The following SUMF1 variants were observed in gnomAD, a reference collection of about 807,000 sequenced individuals.
SUMF1 encodes the protein sulfatase modifying factor 1.
In SUMF1, 48 loss-of-function variants were observed where a neutral mutation model predicts 47.6. The ratio of observed to expected loss-of-function variants is 1.01; its 90% confidence interval spans 0.80 to 1.28. SUMF1 has a LOEUF of 1.28. Ranked by LOEUF, SUMF1 falls within the 50% of genes most tolerant of loss-of-function variation. The pLI is 0.00. For missense variants in SUMF1, 571 were observed against 485.4 expected (o/e 1.18, Z -1.66); for synonymous variants, 230 against 192.1 (o/e 1.20, Z -1.63).
In SUMF1 at chr3:4,467,254, G is replaced by A. The variant is rs148200251; in HGVS notation, c.-9C>T. The A allele has an allele frequency of 1.5e-3, 2,343 of 1,605,816 alleles. 23 individuals are homozygous for A. The African/African-American group carries it at 0.024, about 17-fold the overall frequency. On this transcript the variant is annotated 5_prime_UTR_variant, in exon 1 of 9. Coordinates refer to ENST00000272902, the MANE Select transcript of SUMF1 (RefSeq NM_182760.4). ...AGTGCGGGCGCAGCCATGTTGTCCC[G>A]CGGGCCATGTGACCCGGTTGGTCAC...
In SUMF1 at chr3:4,135,671, G is replaced by T. The variant is rs531201412; in HGVS notation, c.1015-66926C>A. Among the ~76,000 whole-genome samples the T allele has an allele frequency of 1.8e-3, 277 of 152,282 alleles. 3 individuals carry two copies. Among genetic ancestry groups the T allele is most frequent in the East Asian group, 3.7e-3 (19 of 5,174 alleles). On this transcript the variant is annotated intron_variant and NMD_transcript_variant, in intron 8 of 12. Transcript: ENST00000448413. ...AATAAAGGGCATTCAATTAGGAAATGAGGAAGTCAAATTGTCCCTGTTGGC... is the reference window on the plus strand; with the variant it reads ...AATAAAGGGCATTCAATTAGGAAATTAGGAAGTCAAATTGTCCCTGTTGGC...
chr3:4,279,518 T>C (rs958451214), intron 8 of SUMF1, among the ~76,000 whole-genome samples: 1 of 152,136 alleles, frequency 6.6e-6, no homozygotes, highest in Non-Finnish European at 1.5e-5. Flanking sequence ...TACTGGAAAG[T>C]AGAGAAGCAA....
At chr3:4,073,308 C>T (rs1001506808) in intron 8 of SUMF1, among the ~76,000 whole-genome samples, 1 of 152,152 alleles carries the variant, frequency 6.6e-6, no homozygotes, top group Non-Finnish European at 1.5e-5. Context: ...CACCATCAGG[C>T]CTGCCTTACA....
intron 7 of SUMF1, among the ~76,000 whole-genome samples, chr3:4,401,424 C>T (rs570737238): frequency 5.3e-5 from 8 of 152,222 alleles, no homozygotes; most frequent in Admixed American, 2.0e-4. Flanking sequence ...AGTTTACACT[C>T]GGTGGAAATC....
chr3:4,326,070 C>T (rs943546095), intron 8 of SUMF1, among the ~76,000 whole-genome samples: 10 of 152,198 alleles, frequency 6.6e-5, no homozygotes, highest in African/African-American at 2.4e-4. Context: ...GATCCTCCCA[C>T]TTTGGCCTCC....
At chr3:4,073,943 T>C (rs1295958142) in intron 8 of SUMF1, among the ~76,000 whole-genome samples, 1 of 152,110 alleles carries the variant, frequency 6.6e-6, no homozygotes, top group South Asian at 2.1e-4. Flanking sequence ...GACAGAAAAT[T>C]AACAAGGATA....
chr3:4,235,575 A>C (rs1559596503), intron 8 of SUMF1, among the ~76,000 whole-genome samples: 1 of 152,112 alleles, frequency 6.6e-6, no homozygotes, highest in South Asian at 2.1e-4. Flanking sequence ...ATAATTAGGA[A>C]AAATGCTTTA....
At chr3:4,096,691 A>G (rs1692913183) in intron 8 of SUMF1, among the ~76,000 whole-genome samples, 1 of 152,170 alleles carries the variant, frequency 6.6e-6, no homozygotes, top group East Asian at 1.9e-4. Flanking sequence ...AGGAGACATG[A>G]ATCTGTAAAG....
At chr3:4,431,251 G>GA (rs1280996812) in intron 3 of SUMF1, among the ~76,000 whole-genome samples, 1 of 152,172 alleles carries the variant, frequency 6.6e-6, no homozygotes, top group Non-Finnish European at 1.5e-5. Flanking sequence ...ACCGGATTGA[G>GA]AACCTGCCTT....
chr3:4,429,617 G>A (rs185941420), intron 3 of SUMF1, among the ~76,000 whole-genome samples: 121 of 152,234 alleles, frequency 7.9e-4, no homozygotes, highest in African/African-American at 2.8e-3. Context: ...AGGGACAGGG[G>A]CTCTTGTTGC....
intron 8 of SUMF1, among the ~76,000 whole-genome samples, chr3:4,175,296 C>T (rs567266679): frequency 3.3e-5 from 5 of 152,068 alleles, no homozygotes; most frequent in African/African-American, 1.2e-4. Flanking sequence ...CGACAGTCAC[C>T]TCATACAGCC....
Position 4,399,105 on chromosome 3 carries a change from G to A in SUMF1, c.954+11760C>T, listed in dbSNP as rs73809539. On this transcript the variant is annotated intron_variant, in intron 7 of 8. Transcript: ENST00000272902. ...GGATATGAGAACGAGAGGGGGCGGA[G>A]GGATGGGGAAAACGCATGCGTGAAC... Among the ~76,000 whole-genome samples, 606 of 152,180 alleles carry A rather than the reference G, an allele frequency of 4.0e-3. 6 individuals carry two copies. Among genetic ancestry groups the A allele is most frequent in the African/African-American group, 0.014 (580 of 41,522 alleles).
chr3:4,128,282 G>C (rs766351813), intron 8 of SUMF1, among the ~76,000 whole-genome samples: 1 of 152,192 alleles, frequency 6.6e-6, no homozygotes, highest in Non-Finnish European at 1.5e-5. Context: ...CTGTTAAAGT[G>C]AGGGCATTGA....
intron 3 of SUMF1, among the ~76,000 whole-genome samples, chr3:4,439,318 G>A (rs547777907): frequency 2.4e-4 from 36 of 152,120 alleles, no homozygotes; most frequent in African/African-American, 8.4e-4. Context: ...GAACTCAGGA[G>A]TTTGGGAACA....
At chr3:4,423,459 A>G (rs59346821) in intron 3 of SUMF1, among the ~76,000 whole-genome samples, 2,298 of 151,924 alleles carry the variant, frequency 0.015, 69 homozygotes, top group African/African-American at 0.053. Context: ...CTCTCTAGTG[A>G]CCTCTCAGCC....
chr3:4,116,792 C>A (rs1189724455), intron 8 of SUMF1, among the ~76,000 whole-genome samples: 1 of 152,050 alleles, frequency 6.6e-6, no homozygotes, highest in Non-Finnish European at 1.5e-5. Flanking sequence ...CTGGACAATT[C>A]CAGCAATTTC....
chr3:4,287,357 A>C (rs1251749738), intron 8 of SUMF1, among the ~76,000 whole-genome samples: 1 of 152,134 alleles, frequency 6.6e-6, no homozygotes, highest in Non-Finnish European at 1.5e-5. Context: ...AAAACTTAAT[A>C]AACATTTATT....
chr3:4,324,139 G>A (rs1479345331), intron 8 of SUMF1, among the ~76,000 whole-genome samples: 1 of 152,042 alleles, frequency 6.6e-6, no homozygotes, highest in African/African-American at 2.4e-5. Flanking sequence ...CCATTAGAAT[G>A]TTTGAACATG....
At chr3:4,284,472 AGAAGG>A (rs1559650510) in intron 8 of SUMF1, among the ~76,000 whole-genome samples, 3 of 138,734 alleles carry the variant, frequency 2.2e-5, no homozygotes, top group African/African-American at 8.1e-5. Flanking sequence ...GAGGAGGAGG[AGAAGG>A]AGGAGGAGGA....
Sources: gnomAD v4.1 joint callset for allele counts (sites outside exome capture counted in the v4.1 genomes callset) on GRCh38, gnomAD v4.1.1 for gene constraint, MANE v1.5 for transcripts, NCBI Gene and HGNC (gene_info 2026-07-23, HGNC 2026-07-21) for gene names.